The following PTPRM variants were observed in gnomAD, a reference collection of about 807,000 sequenced individuals.
PTPRM encodes receptor-type tyrosine-protein phosphatase mu.
Under a neutral mutation model 186.7 loss-of-function variants are expected in PTPRM, and 47 were observed. The observed-to-expected ratio is 0.25, with a 90% CI of 0.20 to 0.32. PTPRM has a LOEUF of 0.32. Ranked by LOEUF, PTPRM falls within the 10% of genes least tolerant of loss-of-function variation. PTPRM has a pLI of 1.00. For missense variants in PTPRM, 1,494 were observed against 1,865.0 expected (o/e 0.80, Z 3.66); for synonymous variants, 668 against 674.9 (o/e 0.99, Z 0.16).
At chr18:8,362,933 CTT>C (rs2095605558) in intron 23 of PTPRM, among the ~76,000 whole-genome samples, 1 of 152,228 alleles carries the variant, frequency 6.6e-6, no homozygotes, top group Non-Finnish European at 1.5e-5. Context: ...GGAATGTGCT[CTT>C]GACCAGTCAG....
intron 7 of PTPRM, among the ~76,000 whole-genome samples, chr18:7,985,988 A>C (rs1208739061): frequency 5.9e-5 from 9 of 152,172 alleles, no homozygotes; most frequent in Admixed American, 1.3e-4. Context: ...AAAAAACTCC[A>C]ACTGACTGTC....
chr18:8,215,441 T>A (rs764150921), intron 14 of PTPRM, among the ~76,000 whole-genome samples: 11 of 152,060 alleles, frequency 7.2e-5, no homozygotes, highest in Non-Finnish European at 1.3e-4. Flanking sequence ...TAGACAATTG[T>A]TCAGAGTCAT....
intron 14 of PTPRM, among the ~76,000 whole-genome samples, chr18:8,201,748 T>C (rs2093860730): frequency 6.6e-6 from 1 of 152,164 alleles, no homozygotes; most frequent in Non-Finnish European, 1.5e-5. Flanking sequence ...GGACCCACCC[T>C]AAAGACCTCA....
At chr18:8,319,626 C>T (rs1446448789) in intron 22 of PTPRM, among the ~76,000 whole-genome samples, 2 of 152,218 alleles carry the variant, frequency 1.3e-5, no homozygotes, top group Admixed American at 1.3e-4. Context: ...GGAAGATGTG[C>T]AGTCACCTGT....
intron 14 of PTPRM, among the ~76,000 whole-genome samples, chr18:8,199,795 A>C (rs2093828440): frequency 6.6e-6 from 1 of 152,154 alleles, no homozygotes; most frequent in African/African-American, 2.4e-5. Context: ...TCTATAGTCC[A>C]AAGAGTGCGT....
chr18:8,403,609 A>G (rs2095884602), intron 32 of PTPRM: 1 of 152,182 alleles, frequency 6.6e-6, no homozygotes, highest in African/African-American at 2.4e-5. Context: ...TGTGTCATTC[A>G]CTGGTTTTCA....
chr18:8,115,914 G>A (rs2091939007), intron 13 of PTPRM, among the ~76,000 whole-genome samples: 1 of 152,152 alleles, frequency 6.6e-6, no homozygotes, highest in Non-Finnish European at 1.5e-5. Flanking sequence ...CAGGCATTGT[G>A]TGAGGTACTC....
chr18:8,159,156 G>A (rs7230799), intron 14 of PTPRM, among the ~76,000 whole-genome samples: 4,863 of 152,168 alleles, frequency 0.032, 151 homozygotes, highest in African/African-American at 0.079. Flanking sequence ...ATACAGAGGC[G>A]CCACTGTGTT....
intron 7 of PTPRM, among the ~76,000 whole-genome samples, chr18:7,965,505 G>A (rs1224672822): frequency 6.6e-6 from 1 of 152,090 alleles, no homozygotes; most frequent in Non-Finnish European, 1.5e-5. Context: ...AGATTGGATG[G>A]CTGGGGTCTT....
intron 1 of PTPRM, among the ~76,000 whole-genome samples, chr18:7,758,555 A>AT (rs940515244): frequency 2.0e-5 from 3 of 152,066 alleles, no homozygotes; most frequent in South Asian, 2.1e-4. Context: ...CTGTAATAGG[A>AT]TTTTTTTGGA....
At chr18:8,041,568 A>G (rs935592577) in intron 7 of PTPRM, among the ~76,000 whole-genome samples, 4 of 152,302 alleles carry the variant, frequency 2.6e-5, no homozygotes, top group Middle Eastern at 3.4e-3. Flanking sequence ...GTGTTTGTGC[A>G]GCATTTATAC....
At chr18:7,979,858 T>C (rs1003148577) in intron 7 of PTPRM, among the ~76,000 whole-genome samples, 1 of 152,124 alleles carries the variant, frequency 6.6e-6, no homozygotes, top group Non-Finnish European at 1.5e-5. Flanking sequence ...GGGACACACT[T>C]CCTCTTTCTG....
At chr18:7,670,344 C>A (rs1340828105) in intron 1 of PTPRM, among the ~76,000 whole-genome samples, 1 of 152,066 alleles carries the variant, frequency 6.6e-6, no homozygotes, top group African/African-American at 2.4e-5. Flanking sequence ...CTTTGTTATA[C>A]TTTTTACTTA....
intron 13 of PTPRM, among the ~76,000 whole-genome samples, chr18:8,138,088 C>T (rs1223853145): frequency 6.6e-6 from 1 of 152,156 alleles, no homozygotes; most frequent in Non-Finnish European, 1.5e-5. Flanking sequence ...ACGTTCACGG[C>T]TTCATCCCTT....
chr18:8,118,807 A>AT (rs1555749446), intron 13 of PTPRM, among the ~76,000 whole-genome samples: 4 of 137,302 alleles, frequency 2.9e-5, no homozygotes, highest in African/African-American at 5.6e-5. Flanking sequence ...CTCAAAAAAA[A>AT]AAAAATATAT....
At chr18:7,739,976 A>G (rs2040854706) in intron 1 of PTPRM, among the ~76,000 whole-genome samples, 1 of 152,232 alleles carries the variant, frequency 6.6e-6, no homozygotes, top group Non-Finnish European at 1.5e-5. Flanking sequence ...TGCAATGTCC[A>G]TTACAGTCTC....
intron 14 of PTPRM, among the ~76,000 whole-genome samples, chr18:8,220,832 T>C (rs2094145098): frequency 6.6e-6 from 1 of 152,188 alleles, no homozygotes; most frequent in African/African-American, 2.4e-5. Flanking sequence ...TAAGTTTTCT[T>C]TGAGCTAAAT....
intron 14 of PTPRM, among the ~76,000 whole-genome samples, chr18:8,219,561 T>C (rs577150368): frequency 2.9e-4 from 44 of 152,236 alleles, no homozygotes; most frequent in Admixed American, 8.5e-4. Context: ...AGAGTCAGAT[T>C]ACAGTTTTCT....
chr18:8,224,521 C>G (rs778292111), intron 14 of PTPRM, among the ~76,000 whole-genome samples: 6 of 152,188 alleles, frequency 3.9e-5, no homozygotes, highest in Non-Finnish European at 8.8e-5. Flanking sequence ...CCAGATTGCC[C>G]ATTTGAAAGC....
Sources: gnomAD v4.1 joint callset for allele counts (sites outside exome capture counted in the v4.1 genomes callset) on GRCh38, gnomAD v4.1.1 for gene constraint, MANE v1.5 for transcripts, NCBI Gene and HGNC (gene_info 2026-07-23, HGNC 2026-07-21) for gene names.